The following MBNL1 variants were observed in gnomAD, a reference collection of about 807,000 sequenced individuals.
The protein encoded by MBNL1 is muscleblind-like protein 1.
MBNL1 carries 8 observed loss-of-function variants against 42.2 expected under a neutral mutation model. The observed-to-expected ratio is 0.19, with a 90% CI of 0.11 to 0.34. The LOEUF (loss-of-function observed/expected upper bound fraction) is 0.34, where lower values mean the gene tolerates loss of function less well. MBNL1 is among the 10% of genes least tolerant of loss of function. The pLI is 1.00. For missense variants in MBNL1, 309 were observed against 495.3 expected (o/e 0.62, Z 3.57); for synonymous variants, 169 against 173.9 (o/e 0.97, Z 0.22).
chr3:152,270,801 T>G (rs1239377668), intron 1 of MBNL1, among the ~76,000 whole-genome samples: 1 of 152,200 alleles, frequency 6.6e-6, no homozygotes, highest in Non-Finnish European at 1.5e-5. Flanking sequence ...GTTACTTTAT[T>G]ATTATTATTA....
At chr3:152,337,110 C>A (rs983197352) in intron 2 of MBNL1, among the ~76,000 whole-genome samples, 3 of 152,116 alleles carry the variant, frequency 2.0e-5, no homozygotes, top group Non-Finnish European at 4.4e-5. Flanking sequence ...TTATCCAGCT[C>A]ATCAAAGCAA....
At chr3:152,387,206 G>T (rs1035807826) in intron 2 of MBNL1, among the ~76,000 whole-genome samples, 1 of 149,570 alleles carries the variant, frequency 6.7e-6, no homozygotes, top group Non-Finnish European at 1.5e-5. Flanking sequence ...CGCTTTATCT[G>T]AAAGCTTCAA....
At chr3:152,380,973 A>G (rs1263721709) in intron 2 of MBNL1, among the ~76,000 whole-genome samples, 1 of 152,062 alleles carries the variant, frequency 6.6e-6, no homozygotes, top group East Asian at 1.9e-4. Flanking sequence ...TGAGAAACAC[A>G]CAGTTAATAA....
chr3:152,384,030 G>A (rs1014060953), intron 2 of MBNL1, among the ~76,000 whole-genome samples: 7 of 152,024 alleles, frequency 4.6e-5, no homozygotes, highest in Non-Finnish European at 1.0e-4. Context: ...TTCGTTATTT[G>A]GGTAATGAAG....
At chr3:152,414,758 CAT>C (rs2098667693) in intron 2 of MBNL1, among the ~76,000 whole-genome samples, 181 bp from the exon 3 acceptor site, 1 of 152,288 alleles carries the variant, frequency 6.6e-6, no homozygotes, top group African/African-American at 2.4e-5. Context: ...CTCAACCTCT[CAT>C]ATTGATAGTA....
At chr3:152,427,033 G>C (rs1171225198) in intron 3 of MBNL1, among the ~76,000 whole-genome samples, 2 of 152,166 alleles carry the variant, frequency 1.3e-5, no homozygotes, top group African/African-American at 2.4e-5. Flanking sequence ...CCAGGTAATG[G>C]TTGAGATAAG....
chr3:152,253,121 C>T (rs758540900), intron 2 of MBNL1, among the ~76,000 whole-genome samples: 1 of 152,110 alleles, frequency 6.6e-6, no homozygotes, highest in Non-Finnish European at 1.5e-5. Context: ...ATACTCCACA[C>T]AGATTATTAA....
chr3:152,260,718 A>T (rs1389028908), intron 2 of MBNL1, among the ~76,000 whole-genome samples: 3 of 152,218 alleles, frequency 2.0e-5, no homozygotes, highest in Non-Finnish European at 4.4e-5. Flanking sequence ...TAGAATATGT[A>T]GGATTCTCCT....
chr3:152,358,158 A>G (rs2095661716), intron 2 of MBNL1, among the ~76,000 whole-genome samples: 1 of 152,240 alleles, frequency 6.6e-6, no homozygotes, highest in Non-Finnish European at 1.5e-5. Context: ...CAGGTATCCC[A>G]TGAAGAGCGA....
At chr3:152,442,171 A>T (rs1435648548) in intron 4 of MBNL1, among the ~76,000 whole-genome samples, 1 of 152,210 alleles carries the variant, frequency 6.6e-6, no homozygotes, top group Non-Finnish European at 1.5e-5. Context: ...AAAATAATGA[A>T]AAATGCCTAT....
At position 152,407,073 on chromosome 3, in the gene MBNL1, T is replaced by TGTGTG. The variant is rs57861310; in HGVS notation, c.175-7868_175-7867insGTGTG. On this transcript the variant is annotated intron_variant, in intron 2 of 9. Coordinates refer to ENST00000324210, the MANE Select transcript of MBNL1 (RefSeq NM_021038.5). ...TGTGTGTGTGTGTGTGTGTGTGTGT[T>TGTGTG]TGTGTGAACTTTTCACAGGACCAGG... Among the ~76,000 whole-genome samples the TGTGTG allele has an allele frequency of 8.6e-3, 1,283 of 148,994 alleles. 23 individuals are homozygous for TGTGTG. The highest frequency in any genetic ancestry group is 0.019 in the African/African-American group (780 of 40,434).
At chr3:152,446,338 A>G (rs2099224736) in intron 5 of MBNL1, among the ~76,000 whole-genome samples, 1 of 152,144 alleles carries the variant, frequency 6.6e-6, no homozygotes, top group East Asian at 1.9e-4. Flanking sequence ...TTCATAACAC[A>G]GTGAAATAAT....
chr3:152,399,175 T>C (rs1339782926), intron 2 of MBNL1, among the ~76,000 whole-genome samples: 1 of 152,230 alleles, frequency 6.6e-6, no homozygotes, highest in Non-Finnish European at 1.5e-5. Context: ...GGTCTCACCA[T>C]ACAGTAGGTG....
At chr3:152,347,637 A>G (rs1171971360) in intron 2 of MBNL1, among the ~76,000 whole-genome samples, 1 of 152,120 alleles carries the variant, frequency 6.6e-6, no homozygotes, top group Non-Finnish European at 1.5e-5. Flanking sequence ...GTGAAAAAGC[A>G]CTGGACTTGG....
intron 2 of MBNL1, chr3:152,334,998 C>T: frequency 1.1e-6 from 1 of 936,530 alleles, no homozygotes; most frequent in Non-Finnish European, 1.4e-6. Flanking sequence ...TAGCATCCTG[C>T]AAGGAGATGG....
chr3:152,279,872 C>T (rs1190544485), intron 1 of MBNL1, among the ~76,000 whole-genome samples: 1 of 152,122 alleles, frequency 6.6e-6, no homozygotes, highest in Non-Finnish European at 1.5e-5. Flanking sequence ...TCAGTCTCTG[C>T]TCTCTGTAAC....
At chr3:152,300,548 T>C (rs2060299833) in intron 2 of MBNL1, among the ~76,000 whole-genome samples, 181 bp downstream of exon 2, 1 of 152,218 alleles carries the variant, frequency 6.6e-6, no homozygotes, top group Non-Finnish European at 1.5e-5. Flanking sequence ...GGCCAAACTT[T>C]GTTATGAATA....
At chr3:152,300,583 G>GT (rs150097739) in intron 2 of MBNL1, among the ~76,000 whole-genome samples, 2,389 of 151,028 alleles carry the variant, frequency 0.016, 54 homozygotes, top group African/African-American at 0.053. Flanking sequence ...TTCACTGCAT[G>GT]TTTTTTTTTG....
At chr3:152,328,557 T>C (rs367773024) in intron 2 of MBNL1, among the ~76,000 whole-genome samples, 1 of 152,188 alleles carries the variant, frequency 6.6e-6, no homozygotes, top group Non-Finnish European at 1.5e-5. Flanking sequence ...ATAATTAAAA[T>C]GTATTTTATA....
Sources: gnomAD v4.1 joint callset for allele counts (sites outside exome capture counted in the v4.1 genomes callset) on GRCh38, gnomAD v4.1.1 for gene constraint, MANE v1.5 for transcripts, NCBI Gene and HGNC (gene_info 2026-07-23, HGNC 2026-07-21) for gene names.